The following TBC1D22A variants were observed in gnomAD, a reference collection of about 807,000 sequenced individuals.
TBC1D22A encodes the protein TBC1 domain family member 22A.
In TBC1D22A, 38 loss-of-function variants were observed where a neutral mutation model predicts 60.2. That is an observed-to-expected ratio of 0.63 (90% CI 0.49 to 0.83). The LOEUF is 0.83. TBC1D22A is among the 40% of genes least tolerant of loss of function. The pLI, the probability that TBC1D22A is intolerant of heterozygous loss-of-function variation, is 0.00. For synonymous variants in TBC1D22A, 302 were observed against 281.7 expected, an observed-to-expected ratio of 1.07 and a Z score of -0.72; for missense variants, 628 against 701.0, an observed-to-expected ratio of 0.90 and a Z score of 1.18.
At chr22:47,090,255 C>T (rs114655410) in intron 11 of TBC1D22A, among the ~76,000 whole-genome samples, 12 of 152,238 alleles carry the variant, frequency 7.9e-5, no homozygotes, top group African/African-American at 2.9e-4. Context: ...CAGCTCATGT[C>T]TCCACCCGGC....
intron 4 of TBC1D22A, among the ~76,000 whole-genome samples, chr22:46,842,579 G>T (rs1033600637): frequency 3.3e-5 from 5 of 152,210 alleles, no homozygotes; most frequent in Non-Finnish European, 7.3e-5. Flanking sequence ...TAGGGTTTTC[G>T]TGGAGGTAAT....
intron 4 of TBC1D22A, among the ~76,000 whole-genome samples, chr22:46,861,570 T>C (rs74339989): frequency 0.019 from 2,932 of 152,280 alleles, 110 homozygotes; most frequent in African/African-American, 0.067. Flanking sequence ...TCTGAGGACA[T>C]TGCATCCTCA....
At chr22:47,048,254 C>A (rs1191611439) in intron 11 of TBC1D22A, among the ~76,000 whole-genome samples, 1 of 152,094 alleles carries the variant, frequency 6.6e-6, no homozygotes, top group Non-Finnish European at 1.5e-5. Context: ...CGGTAAGGCT[C>A]CCCTCAGAGC....
chr22:47,022,117 G>C (rs2062109819), intron 10 of TBC1D22A, among the ~76,000 whole-genome samples: 1 of 152,178 alleles, frequency 6.6e-6, no homozygotes. Flanking sequence ...ACCAAATGTT[G>C]GACATTTTTC....
At chr22:47,120,056 C>T (rs1471948413) in intron 12 of TBC1D22A, among the ~76,000 whole-genome samples, 3 of 152,144 alleles carry the variant, frequency 2.0e-5, no homozygotes, top group Admixed American at 1.3e-4. Flanking sequence ...TGTAGCCATG[C>T]TCCTGGATGC....
intron 4 of TBC1D22A, among the ~76,000 whole-genome samples, chr22:46,841,047 G>GTGTGTGT (rs1555909300): frequency 0.063 from 9,216 of 147,426 alleles, 353 homozygotes; most frequent in South Asian, 0.16. Flanking sequence ...AATGAAAATG[G>GTGTGTGT]GTGTGTGTGT....
chr22:46,786,433 C>T (rs772739603), intron 1 of TBC1D22A, among the ~76,000 whole-genome samples: 29 of 152,018 alleles, frequency 1.9e-4, no homozygotes, highest in Non-Finnish European at 1.8e-4. Flanking sequence ...TGGGTTTTTA[C>T]GTGTATATTC....
At chr22:46,806,565 A>C (rs2085149890) in intron 4 of TBC1D22A, among the ~76,000 whole-genome samples, 1 of 150,820 alleles carries the variant, frequency 6.6e-6, no homozygotes, top group African/African-American at 2.4e-5. Context: ...AAAATATTTA[A>C]AAATTATTTA....
At chr22:46,931,433 G>A (rs915162354) in intron 8 of TBC1D22A, among the ~76,000 whole-genome samples, 5 of 152,168 alleles carry the variant, frequency 3.3e-5, no homozygotes, top group African/African-American at 9.7e-5. Flanking sequence ...GCTCTAAGAG[G>A]AAATAAACCA....
rs77563018 is a variant in TBC1D22A, at chr22:47,164,492, C to A, written c.1426-9006C>A. On this transcript the variant is annotated intron_variant, in intron 12 of 12. Transcript: ENST00000337137. ...CCAGCCTGCCTGGGGCATGGGACGGCCTGTGCCTTGGCATGGCCTGTGTGT... is the reference window on the plus strand; with the variant it reads ...CCAGCCTGCCTGGGGCATGGGACGGACTGTGCCTTGGCATGGCCTGTGTGT... Among the ~76,000 whole-genome samples the A allele has an allele frequency of 7.6e-3, 1,152 of 152,318 alleles. 16 individuals are homozygous for A. The highest frequency in any genetic ancestry group is 0.027 in the African/African-American group (1,118 of 41,588).
chr22:46,849,821 C>T (rs1057323360), intron 4 of TBC1D22A, among the ~76,000 whole-genome samples: 14 of 152,168 alleles, frequency 9.2e-5, no homozygotes, highest in Non-Finnish European at 1.8e-4. Flanking sequence ...TTCTCTCATT[C>T]GGTTATGATT....
At chr22:47,128,676 C>T (rs2066579141) in intron 12 of TBC1D22A, among the ~76,000 whole-genome samples, 1 of 152,114 alleles carries the variant, frequency 6.6e-6, no homozygotes, top group African/African-American at 2.4e-5. Context: ...TGATGGATAC[C>T]ACTTTCTCTG....
intron 10 of TBC1D22A, among the ~76,000 whole-genome samples, chr22:47,033,260 T>C (rs1039851581): frequency 2.6e-5 from 4 of 152,228 alleles, no homozygotes; most frequent in Non-Finnish European, 5.9e-5. Context: ...TCTATCAGTT[T>C]AGTTTTGTAG....
chr22:47,075,221 T>G (rs1209012321), intron 11 of TBC1D22A, among the ~76,000 whole-genome samples: 1 of 47,172 alleles, frequency 2.1e-5, no homozygotes, highest in Admixed American at 2.7e-4. Flanking sequence ...AGATTCCGTC[T>G]CAAAAAAAAA....
In TBC1D22A at chr22:47,009,959, A is replaced by G. The variant is rs2061709334; in HGVS notation, c.1201+12250A>G. On this transcript the variant is annotated intron_variant, in intron 10 of 12. Transcript: ENST00000337137. This position sits in a 1 kb window ranked among gnomAD's most constrained non-coding sequence, Gnocchi z 5.8. The stretch of plus-strand genomic sequence containing the variant: ...AGTCTGAGTCAGGGGCACCGAGGTG[A>G]CAGTGGCCATTGTTATTAGTCATAT... Among the ~76,000 whole-genome samples the G allele has an allele frequency of 6.6e-6, 1 of 152,244 alleles. No individual in the cohort carries two copies. Among genetic ancestry groups the G allele is most frequent in the African/African-American group, 2.4e-5 (1 of 41,458 alleles).
intron 11 of TBC1D22A, among the ~76,000 whole-genome samples, chr22:47,066,716 A>G (rs915128725): frequency 6.6e-6 from 1 of 152,154 alleles, no homozygotes; most frequent in East Asian, 1.9e-4. Flanking sequence ...AGCCTCTTTG[A>G]AACTCATCTA....
intron 11 of TBC1D22A, among the ~76,000 whole-genome samples, chr22:47,079,749 G>A (rs1416992930): frequency 1.3e-5 from 2 of 152,148 alleles, no homozygotes; most frequent in African/African-American, 4.8e-5. Context: ...AACATCAAAA[G>A]CAACAGCAAT....
chr22:46,992,643 G>C (rs1415712767), intron 9 of TBC1D22A, among the ~76,000 whole-genome samples: 1 of 152,266 alleles, frequency 6.6e-6, no homozygotes. Context: ...TGGCACGTAG[G>C]AGGCTTTCAG....
chr22:46,804,416 TTCTC>T (rs1211219943), intron 4 of TBC1D22A, among the ~76,000 whole-genome samples: 1 of 152,250 alleles, frequency 6.6e-6, no homozygotes, highest in Non-Finnish European at 1.5e-5. Context: ...TGCTTGCTTT[TTCTC>T]TCTAATTTAT....
Sources: gnomAD v4.1 joint callset for allele counts (sites outside exome capture counted in the v4.1 genomes callset) on GRCh38, gnomAD v4.1.1 for gene constraint, Gnocchi (gnomAD v3.1) non-coding constraint, MANE v1.5 for transcripts, NCBI Gene and HGNC (gene_info 2026-07-23, HGNC 2026-07-21) for gene names.